Variants in KCTD8 observed in about 807,000 individuals in gnomAD.
The protein encoded by KCTD8 is potassium channel tetramerization domain containing 8, also known as BTB/POZ domain-containing protein KCTD8.
In KCTD8, 27 loss-of-function variants were observed where a neutral mutation model predicts 31.5. The ratio of observed to expected loss-of-function variants is 0.86; its 90% CI spans 0.63 to 1.18. The LOEUF is 1.18. Ranked by LOEUF, KCTD8 falls within the 50% of genes most tolerant of loss-of-function variation. The pLI is 0.00. For synonymous variants in KCTD8, 290 were observed against 280.0 expected (o/e 1.04, Z -0.36); for missense variants, 658 against 647.7 (o/e 1.02, Z -0.17).
At chr4:44,279,492 G>T (rs1448273372) in intron 1 of KCTD8, among the ~76,000 whole-genome samples, 1 of 152,046 alleles carries the variant, frequency 6.6e-6, no homozygotes, top group Non-Finnish European at 1.5e-5. Context: ...AGAAAGATGT[G>T]CTCTTAAGTG....
intron 1 of KCTD8, among the ~76,000 whole-genome samples, chr4:44,223,503 C>T (rs1714866001): frequency 6.6e-6 from 1 of 152,164 alleles, no homozygotes; most frequent in African/African-American, 2.4e-5. Context: ...CTTTTGCACT[C>T]TCCATATTCA....
chr4:44,284,234 A>C (rs1461557582), intron 1 of KCTD8, among the ~76,000 whole-genome samples: 1 of 151,712 alleles, frequency 6.6e-6, no homozygotes, highest in Non-Finnish European at 1.5e-5. Context: ...AAAGTTTACT[A>C]CAAGGGTACA....
chr4:44,263,561 G>A (rs1006055634), intron 1 of KCTD8, among the ~76,000 whole-genome samples: 1 of 152,128 alleles, frequency 6.6e-6, no homozygotes, highest in African/African-American at 2.4e-5. Flanking sequence ...GAAGAGAATA[G>A]TTAAGAGTAG....
At chr4:44,200,946 C>A (rs182704548) in intron 1 of KCTD8, among the ~76,000 whole-genome samples, 27 of 152,100 alleles carry the variant, frequency 1.8e-4, no homozygotes, top group African/African-American at 5.1e-4. Context: ...AACTGATAAA[C>A]AACTTCAATA....
chr4:44,381,805 C>T (rs972191748), intron 1 of KCTD8, among the ~76,000 whole-genome samples: 1 of 152,028 alleles, frequency 6.6e-6, no homozygotes, highest in African/African-American at 2.4e-5. Flanking sequence ...GCACTGGCTT[C>T]CCCTTCACCT....
chr4:44,314,686 G>A (rs1336864844), intron 1 of KCTD8, among the ~76,000 whole-genome samples: 1 of 151,766 alleles, frequency 6.6e-6, no homozygotes, highest in Non-Finnish European at 1.5e-5. Context: ...TTACACAGCA[G>A]GGATCATATC....
intron 1 of KCTD8, among the ~76,000 whole-genome samples, chr4:44,381,634 T>A (rs950735604): frequency 6.6e-6 from 1 of 151,956 alleles, no homozygotes; most frequent in Non-Finnish European, 1.5e-5. Context: ...ATGCTGGAGG[T>A]GGGGCCTGGT....
chr4:44,322,674 C>T (rs975972315), intron 1 of KCTD8, among the ~76,000 whole-genome samples: 2 of 151,986 alleles, frequency 1.3e-5, no homozygotes, highest in African/African-American at 4.8e-5. Context: ...GGCCAATGTC[C>T]TGTAGCATTT....
intron 1 of KCTD8, among the ~76,000 whole-genome samples, chr4:44,288,078 C>G (rs1475910399): frequency 6.6e-6 from 1 of 152,114 alleles, no homozygotes; most frequent in Non-Finnish European, 1.5e-5. Context: ...ATTTTCTTTT[C>G]TCCATTCTTA....
intron 1 of KCTD8, among the ~76,000 whole-genome samples, chr4:44,372,440 A>C (rs1196077563): frequency 6.6e-6 from 1 of 152,182 alleles, no homozygotes; most frequent in Non-Finnish European, 1.5e-5. Context: ...CTACAGGATC[A>C]ACCTAAGGGC....
chr4:44,223,734 CT>C (rs1714873475), intron 1 of KCTD8, among the ~76,000 whole-genome samples: 1 of 152,124 alleles, frequency 6.6e-6, no homozygotes, highest in Non-Finnish European at 1.5e-5. Context: ...TTCCTTTCTT[CT>C]TTGTTTCCAC....
chr4:44,251,090 C>T (rs960884772), intron 1 of KCTD8, among the ~76,000 whole-genome samples: 2 of 151,710 alleles, frequency 1.3e-5, no homozygotes, highest in South Asian at 4.1e-4. Context: ...ATGGAAAAGT[C>T]TGTCCTTTGC....
intron 1 of KCTD8, among the ~76,000 whole-genome samples, chr4:44,303,100 G>GTGC (rs1325322351): frequency 1.3e-5 from 2 of 152,094 alleles, no homozygotes; most frequent in Non-Finnish European, 2.9e-5. Flanking sequence ...GCTTTTTGAT[G>GTGC]TGCTGCTGGA....
At chr4:44,335,977 C>T (rs1350272529) in intron 1 of KCTD8, among the ~76,000 whole-genome samples, 2 of 150,420 alleles carry the variant, frequency 1.3e-5, no homozygotes, top group Non-Finnish European at 3.0e-5. Context: ...GGTGAAACCC[C>T]GTCTCTACTA....
At chr4:44,386,571 T>C (rs1379193476) in intron 1 of KCTD8, among the ~76,000 whole-genome samples, 1 of 150,750 alleles carries the variant, frequency 6.6e-6, no homozygotes, top group East Asian at 2.0e-4. Context: ...CCCGTTAAAA[T>C]GGCATATCCA....
chr4:44,283,523 C>T lies in KCTD8; in HGVS notation c.962-108273G>A, dbSNP rs1401393557. On this transcript the variant is annotated intron_variant, in intron 1 of 1. Transcript: ENST00000360029. ...AAGCCAACAGTCATATTCCAGAAGT[C>T]CTATGGACCTTCTAGGGCCCTTAAT... Among the ~76,000 whole-genome samples the T allele has an allele frequency of 2.0e-5, 3 of 152,070 alleles. No homozygotes were observed. In the East Asian group the frequency reaches 5.8e-4, roughly 29 times the overall value.
At chr4:44,212,228 A>T (rs1197435297) in intron 1 of KCTD8, among the ~76,000 whole-genome samples, 1 of 152,232 alleles carries the variant, frequency 6.6e-6, no homozygotes, top group Admixed American at 6.5e-5. Flanking sequence ...TGGAATCTGA[A>T]CAAGGTCAGT....
At chr4:44,397,025 T>C (rs2109453854) in intron 1 of KCTD8, among the ~76,000 whole-genome samples, 1 of 152,160 alleles carries the variant, frequency 6.6e-6, no homozygotes, top group Non-Finnish European at 1.5e-5. Flanking sequence ...AGGACCTCAA[T>C]AACATTCCTA....
intron 1 of KCTD8, among the ~76,000 whole-genome samples, chr4:44,407,135 A>G (rs1246559228): frequency 1.3e-5 from 2 of 152,066 alleles, no homozygotes; most frequent in African/African-American, 2.4e-5. Context: ...CCTTATTTCA[A>G]TTCAATATTA....
Sources: gnomAD v4.1 joint callset for allele counts (sites outside exome capture counted in the v4.1 genomes callset) on GRCh38, gnomAD v4.1.1 for gene constraint, MANE v1.5 for transcripts, NCBI Gene and HGNC (gene_info 2026-07-23, HGNC 2026-07-21) for gene names.